ENOSF1: variants seen among roughly 807,000 people sequenced by gnomAD.
ENOSF1 encodes the protein mitochondrial enolase superfamily member 1.
A neutral mutation model predicts 68.2 loss-of-function variants in ENOSF1; 73 were observed. The ratio of observed to expected loss-of-function variants is 1.07; its 90% CI spans 0.89 to 1.30. The LOEUF (loss-of-function observed/expected upper bound fraction) is 1.30. ENOSF1 is among the 50% of genes most tolerant of loss of function. The probability of loss-of-function intolerance (pLI) is 0.00; values close to 1 mark genes in which losing one functional copy is unlikely to be tolerated. For synonymous variants in ENOSF1, 223 were observed against 210.4 expected (o/e 1.06, Z -0.52); for missense variants, 589 against 554.5 (o/e 1.06, Z -0.62).
chr18:673,134 T>C lies in ENOSF1; in HGVS notation c.*1171A>G. 1.0e-6 allele frequency: 1 copy of C among 983,990 alleles called. No individual in the cohort carries two copies. Among genetic ancestry groups the C allele is most frequent in the Non-Finnish European group, 1.4e-6 (1 of 705,070 alleles). 61.0% of individuals were successfully genotyped at this position (983,990 alleles called of 1,614,324 possible). A position where few individuals can be genotyped will look rare whatever the true frequency, so the allele number is the denominator to read the frequency against. ...TCCGTGACCTATCAGTTATTAATTT[T>C]TAAGGATGTTGCCACTGGCAAATGT... On this transcript the variant is annotated 3_prime_UTR_variant, in exon 16 of 16. Coordinates refer to ENST00000647584, the MANE Select transcript of ENOSF1 (RefSeq NM_017512.7).
chr18:702,264 CAAAA>C (rs71174275), intron 2 of ENOSF1, among the ~76,000 whole-genome samples: 1 of 65,772 alleles, frequency 1.5e-5, no homozygotes, highest in Non-Finnish European at 2.7e-5. Context: ...AACTACATCT[CAAAA>C]AAAAAAAAAA....
intron 9 of ENOSF1, chr18:687,356 A>C (rs1334061095): frequency 2.0e-5 from 3 of 152,154 alleles, no homozygotes; most frequent in Non-Finnish European, 4.4e-5. Flanking sequence ...TCTCCAACTT[A>C]AGAACGCATA....
chr18:668,666 A>G (rs2074908588), downstream of ENOSF1, among the ~76,000 whole-genome samples: 1 of 152,234 alleles, frequency 6.6e-6, no homozygotes, highest in Non-Finnish European at 1.5e-5. Flanking sequence ...CTGTGAGACA[A>G]GGATAAAGTA....
chr18:695,371 C>CCCAA (rs2077610337), intron 3 of ENOSF1, among the ~76,000 whole-genome samples: 6 of 152,136 alleles, frequency 3.9e-5, no homozygotes, highest in Non-Finnish European at 7.4e-5. Flanking sequence ...ACTTGGGTAA[C>CCCAA]TTAGTGTCCA....
intron 5 of ENOSF1, 25 bp from the exon 6 acceptor site, chr18:691,301 A>G: frequency 6.3e-7 from 1 of 1,580,258 alleles, no homozygotes; most frequent in Non-Finnish European, 8.6e-7. Flanking sequence ...GGAGGGGAAG[A>G]GGCCTGAATC....
At chr18:704,306 GTAATCCCAGC>G (rs1365325131) in intron 2 of ENOSF1, among the ~76,000 whole-genome samples, 3 of 151,892 alleles carry the variant, frequency 2.0e-5, no homozygotes, top group Non-Finnish European at 4.4e-5. Flanking sequence ...GTGTGTGCCT[GTAATCCCAGC>G]TACTCGGGAG....
intron 1 of ENOSF1, among the ~76,000 whole-genome samples, chr18:711,096 G>A (rs2079479123): frequency 6.6e-6 from 1 of 152,052 alleles, no homozygotes; most frequent in African/African-American, 2.4e-5. Flanking sequence ...GTTGAGTCAG[G>A]GAGGTCAAGG....
In ENOSF1 at chr18:671,576, GTT is replaced by G; in HGVS notation, c.*2727_*2728del. On this transcript the variant is annotated 3_prime_UTR_variant, in exon 16 of 16. Coordinates refer to ENST00000647584, the MANE Select transcript of ENOSF1 (RefSeq NM_017512.7). ...TGACTGCTCCAAATGTGGGGCTTCA[GTT>G]TAGGGAGAAGTGGTGGGCAGGTGGG... The G allele has an allele frequency of 1.4e-6, 1 of 734,736 alleles. No individual in the cohort carries two copies. Among genetic ancestry groups the G allele is most frequent in the South Asian group, 1.5e-5 (1 of 65,086 alleles). 45.5% of individuals were successfully genotyped at this position (734,736 alleles called of 1,614,324 possible).
At chr18:688,815 T>C (rs774126590) in intron 8 of ENOSF1, among the ~76,000 whole-genome samples, 8 of 152,202 alleles carry the variant, frequency 5.3e-5, no homozygotes, top group South Asian at 4.1e-4. Flanking sequence ...CTCATCTCTA[T>C]GGGAACCATT....
chr18:706,542 T>G lies in ENOSF1; in HGVS notation c.121A>C (p.Ile41Leu). ...DPDYSAAYVVIETDAEDGIKG... is the reference protein window; with the variant it reads ...DPDYSAAYVVLETDAEDGIKG... ...ATTCCATCTTCTGCATCAGTTTCTA[T>G]GACGACATAGGCAGCCGAGTAGTCA... Residue 41 changes from isoleucine to leucine, a missense_variant, in exon 2 of 16, where the codon ATA becomes CTA. Physicochemically the swap from Ile to Leu is conservative, Grantham distance 5. Coordinates refer to ENST00000647584, the MANE Select transcript of ENOSF1 (RefSeq NM_017512.7). 1 of 1,613,926 alleles carries G rather than the reference T, an allele frequency of 6.2e-7. No homozygotes were observed. Among genetic ancestry groups the G allele is most frequent in the Admixed American group, 1.7e-5 (1 of 60,000 alleles).
At chr18:667,467 GGT>G (rs1429753539), downstream of ENOSF1, among the ~76,000 whole-genome samples, 10 of 15,544 alleles carry the variant, frequency 6.4e-4, 3 homozygotes, top group African/African-American at 3.0e-3. Flanking sequence ...TGATGGAGAT[GGT>G]GATGGTGATG....
rs576937422 is a variant in ENOSF1 at position 678,929 on chromosome 18, G to A, written c.877-192C>T. On this transcript the variant is annotated intron_variant, in intron 11 of 15. Coordinates refer to ENST00000647584, the MANE Select transcript of ENOSF1 (RefSeq NM_017512.7). ...TCTGTGTATCTGCAGAGGAGAAGGT[G>A]AGCACTGCTGAGCTGCCACCACCAG... is the stretch of plus-strand genomic sequence containing the variant. Among the ~76,000 whole-genome samples, 4 of 152,300 alleles carry A rather than the reference G, an allele frequency of 2.6e-5. No homozygotes were observed. In the East Asian group the frequency reaches 7.7e-4, roughly 29 times the overall value.
At chr18:667,071 TGATGGAGATGGTGATGGTGATGGA>T (rs1567989925), downstream of ENOSF1, among the ~76,000 whole-genome samples, 19 of 49,692 alleles carry the variant, frequency 3.8e-4, 1 homozygote, top group Non-Finnish European at 4.8e-4. Flanking sequence ...ATGGTGATGG[TGATGGAGATGGTGATGGTGATGGA>T]GATGGAGATG....
At chr18:678,948 C>T (rs1405762013) in intron 11 of ENOSF1, among the ~76,000 whole-genome samples, 1 of 152,180 alleles carries the variant, frequency 6.6e-6, no homozygotes, top group Admixed American at 6.5e-5. Context: ...TGAGCTGCCA[C>T]CACCAGCCCC....
chr18:675,910 C>T (rs2075464764), intron 14 of ENOSF1, among the ~76,000 whole-genome samples: 1 of 152,086 alleles, frequency 6.6e-6, no homozygotes, highest in Non-Finnish European at 1.5e-5. Context: ...TCTCGGTACA[C>T]TTTGTACCTG....
rs1321324933 is a variant in ENOSF1, at chr18:671,538, TC to T, written c.*2766del. 2 of 885,752 alleles carry T rather than the reference TC, an allele frequency of 2.3e-6. No individual in the cohort carries two copies. Among genetic ancestry groups the T allele is most frequent in the Non-Finnish European group, 3.8e-6 (2 of 533,056 alleles). 54.9% of individuals were successfully genotyped at this position (885,752 alleles called of 1,614,324 possible). On this transcript the variant is annotated 3_prime_UTR_variant, in exon 16 of 16. Coordinates refer to ENST00000647584, the MANE Select transcript of ENOSF1 (RefSeq NM_017512.7). ...GAACAGGCATCTGCTCAATGCTGTG[TC>T]CAAGATAAAGATGACTGCTCCAAAT...
intron 10 of ENOSF1, among the ~76,000 whole-genome samples, chr18:684,844 G>A (rs1192530169): frequency 1.3e-5 from 2 of 150,318 alleles, no homozygotes; most frequent in Admixed American, 6.6e-5. Context: ...GAAAACCAGA[G>A]GACAGTATGC....
At chr18:679,446 T>C (rs2075861699) in intron 11 of ENOSF1, among the ~76,000 whole-genome samples, 1 of 127,510 alleles carries the variant, frequency 7.8e-6, no homozygotes, top group South Asian at 2.7e-4. Flanking sequence ...TGACCTCAGA[T>C]GATCCTCCCG....
chr18:706,016 T>C (rs974020128), intron 2 of ENOSF1, among the ~76,000 whole-genome samples: 4 of 151,868 alleles, frequency 2.6e-5, no homozygotes, highest in Admixed American at 6.6e-5. Context: ...CTCAAAAATA[T>C]ATACATATAT....
Sources: allele counts gnomAD v4.1 joint callset (sites outside exome capture counted in the v4.1 genomes callset), GRCh38; gene constraint gnomAD v4.1.1; transcripts MANE v1.5; gene names NCBI Gene and HGNC (gene_info 2026-07-23, HGNC 2026-07-21).